The following C6 variants were observed in gnomAD, a reference collection of about 807,000 sequenced individuals.
The protein encoded by C6 is complement component C6.
A neutral mutation model predicts 112.9 loss-of-function variants in C6; 101 were observed. The observed-to-expected ratio is 0.89, with a 90% CI of 0.76 to 1.06. The LOEUF is 1.06. Among genes scored for constraint, C6 ranks in the 50% least tolerant of loss-of-function variants. C6 has a pLI of 0.00. For synonymous variants in C6, 431 were observed against 384.1 expected (o/e 1.12, Z -1.43); for missense variants, 1,202 against 1,104.6 (o/e 1.09, Z -1.25).
chr5:41,161,666 C>T, intron 10 of C6, 27 bp downstream of exon 10: 1 of 1,601,278 alleles, frequency 6.2e-7, no homozygotes, highest in Non-Finnish European at 8.6e-7. Flanking sequence ...CTTTAGATCT[C>T]TTACCTGGAA....
chr5:41,195,305 C>T (rs550528280), intron 5 of C6, among the ~76,000 whole-genome samples: 2 of 152,224 alleles, frequency 1.3e-5, no homozygotes, highest in Non-Finnish European at 2.9e-5. Context: ...TCTGGGTTTG[C>T]TTTTCATGCT....
chr5:41,150,271 A>G (rs1422510744), intron 15 of C6, among the ~76,000 whole-genome samples: 3 of 152,204 alleles, frequency 2.0e-5, no homozygotes, highest in Non-Finnish European at 4.4e-5. Flanking sequence ...AGAAAATGGA[A>G]CTGTTGAAAT....
intron 15 of C6, among the ~76,000 whole-genome samples, chr5:41,151,203 C>A (rs1241523106): frequency 6.6e-6 from 1 of 152,092 alleles, no homozygotes; most frequent in Non-Finnish European, 1.5e-5. Flanking sequence ...CTCCAGGGAG[C>A]TAATCTATGA....
intron 9 of C6, among the ~76,000 whole-genome samples, chr5:41,168,278 A>G (rs141364081): frequency 4.4e-4 from 67 of 152,310 alleles, no homozygotes; most frequent in Admixed American, 3.2e-3. Context: ...TATCAAAGTA[A>G]TGGCTACCAA....
chr5:41,191,398 T>G (rs929607565), intron 5 of C6, among the ~76,000 whole-genome samples: 2 of 152,122 alleles, frequency 1.3e-5, no homozygotes, highest in Non-Finnish European at 1.5e-5. Context: ...GCTATTAAGG[T>G]TTTTTGTGGT....
At chr5:41,190,451 A>G (rs934005406) in intron 5 of C6, among the ~76,000 whole-genome samples, 1 of 151,846 alleles carries the variant, frequency 6.6e-6, no homozygotes, top group Non-Finnish European at 1.5e-5. Context: ...GTTAAATTGG[A>G]TTATTTATTT....
At chr5:41,258,185 A>T (rs1474176616) in intron 1 of C6, among the ~76,000 whole-genome samples, 1 of 152,184 alleles carries the variant, frequency 6.6e-6, no homozygotes, top group Non-Finnish European at 1.5e-5. Flanking sequence ...TTAATGTATT[A>T]TGAGGAAAGG....
At chr5:41,172,628 A>C in intron 8 of C6, 1 of 492,544 alleles carries the variant, frequency 2.0e-6, no homozygotes, top group Non-Finnish European at 3.7e-6. Context: ...GGCCCTTCCC[A>C]TGGGGATGGT....
intron 1 of C6, among the ~76,000 whole-genome samples, chr5:41,230,255 G>A (rs1448066387): frequency 2.0e-5 from 3 of 152,086 alleles, no homozygotes; most frequent in Non-Finnish European, 4.4e-5. Context: ...TGACTGACTG[G>A]GGGGTTGGGC....
At chr5:41,209,035 G>T (rs1751675945) in intron 1 of C6, among the ~76,000 whole-genome samples, 3 of 152,140 alleles carry the variant, frequency 2.0e-5, no homozygotes, top group East Asian at 3.8e-4. Flanking sequence ...AATCAGGTTG[G>T]CTTCACCCCT....
intron 6 of C6, among the ~76,000 whole-genome samples, chr5:41,184,409 CCAT>C (rs1749603856): frequency 1.3e-5 from 2 of 152,144 alleles, no homozygotes; most frequent in African/African-American, 4.8e-5. Context: ...TTTTTCTGTG[CCAT>C]TTATTTGCTG....
intron 1 of C6, among the ~76,000 whole-genome samples, chr5:41,255,615 C>T (rs990069629): frequency 6.6e-6 from 1 of 152,174 alleles, no homozygotes; most frequent in South Asian, 2.1e-4. Flanking sequence ...TTCTCTCTGC[C>T]TACAATATGC....
Position 41,192,530 on chromosome 5 carries a change from T to G in C6, c.587+3262A>C, listed in dbSNP as rs551535270. On this transcript the variant is annotated intron_variant, in intron 5 of 17. Transcript: ENST00000337836. Reference sequence around the variant, plus strand: ...CCTGGGCTTTTCTTTTTTGGGAGACTTTTTGTTATTGATTTAATCTCATTA... The same window carrying G: ...CCTGGGCTTTTCTTTTTTGGGAGACGTTTTGTTATTGATTTAATCTCATTA... Among the ~76,000 whole-genome samples the G allele has an allele frequency of 1.3e-5, 2 of 152,276 alleles. 1 individual carries two copies. Among genetic ancestry groups the G allele is most frequent in the South Asian group, 4.1e-4 (2 of 4,822 alleles).
intron 9 of C6, among the ~76,000 whole-genome samples, chr5:41,164,274 A>C (rs780277957): frequency 1.2e-4 from 19 of 152,338 alleles, no homozygotes; most frequent in Non-Finnish European, 2.1e-4. Context: ...GCAATTAAGG[A>C]GGATGGCGCT....
chr5:41,256,359 C>A (rs1393818522), intron 1 of C6, among the ~76,000 whole-genome samples: 1 of 148,500 alleles, frequency 6.7e-6, no homozygotes, highest in Non-Finnish European at 1.5e-5. Context: ...AGCACACCAG[C>A]ATGGCACATG....
chr5:41,205,891 T>C (rs897436989), intron 1 of C6, among the ~76,000 whole-genome samples: 14 of 152,112 alleles, frequency 9.2e-5, no homozygotes, highest in Non-Finnish European at 2.1e-4. Flanking sequence ...GCACGGAGTT[T>C]GAGATCTGAG....
At chr5:41,204,851 A>G (rs1184930116) in intron 1 of C6, among the ~76,000 whole-genome samples, 2 of 151,786 alleles carry the variant, frequency 1.3e-5, no homozygotes, top group Non-Finnish European at 2.9e-5. Flanking sequence ...TTGAATTTTT[A>G]GTAGAGACGG....
intron 15 of C6, among the ~76,000 whole-genome samples, chr5:41,150,266 A>C (rs1746260942): frequency 6.6e-6 from 1 of 152,220 alleles, no homozygotes; most frequent in African/African-American, 2.4e-5. Flanking sequence ...ACTAAAGAAA[A>C]TGGAACTGTT....
In C6 at chr5:41,208,742, C is replaced by CA. The variant is rs571768130; in HGVS notation, c.-21+4633dup. Among the ~76,000 whole-genome samples the CA allele has an allele frequency of 1.4e-3, 210 of 151,890 alleles. 6 individuals carry two copies. In the East Asian group the frequency reaches 0.038, roughly 28 times the overall value. ...AGGCAATAATTAATAGCTTACCAAC[C>CA]AAAAAAAGTCCAGGACCAGATGGAT... On this transcript the variant is annotated intron_variant, in intron 1 of 17. Transcript: ENST00000337836.
Sources: allele counts gnomAD v4.1 joint callset (sites outside exome capture counted in the v4.1 genomes callset), GRCh38; gene constraint gnomAD v4.1.1; transcripts MANE v1.5; gene names NCBI Gene and HGNC (gene_info 2026-07-23, HGNC 2026-07-21).